MVB12B: variants seen among roughly 807,000 people sequenced by gnomAD.
MVB12B encodes ESCRT-I complex subunit MVB12B.
Under a neutral mutation model 41.6 loss-of-function variants are expected in MVB12B, and 16 were observed. The observed-to-expected ratio is 0.38, with a 90% confidence interval of 0.26 to 0.58. The LOEUF (loss-of-function observed/expected upper bound fraction) is 0.58. MVB12B is among the 20% of genes least tolerant of loss of function. The probability of loss-of-function intolerance (pLI) is 0.62; values close to 1 mark genes in which losing one functional copy is unlikely to be tolerated. For missense variants in MVB12B, 274 were observed against 380.2 expected (o/e 0.72, Z 2.32); for synonymous variants, 133 against 139.7 (o/e 0.95, Z 0.34).
At chr9:126,396,574 T>C in intron 6 of MVB12B, 1 of 985,492 alleles carries the variant, frequency 1.0e-6, no homozygotes, top group Middle Eastern at 5.2e-4. Context: ...CAATACAGCC[T>C]GCCCTCCGGG....
At chr9:126,497,636 G>C in intron 9 of MVB12B, among the ~76,000 whole-genome samples, 1 of 150,476 alleles carries the variant, frequency 6.6e-6, no homozygotes, top group East Asian at 1.9e-4. Context: ...CCTCATCTCC[G>C]GGGCATGAGG....
chr9:126,396,377 A>G, intron 6 of MVB12B: 1 of 985,532 alleles, frequency 1.0e-6, no homozygotes, highest in Non-Finnish European at 1.2e-6. Flanking sequence ...AACAGCACTG[A>G]TGGATTAAGC....
chr9:126,492,118 G>GCACACA (rs35494875), intron 9 of MVB12B, among the ~76,000 whole-genome samples: 4 of 143,316 alleles, frequency 2.8e-5, no homozygotes, highest in Non-Finnish European at 6.1e-5. Context: ...TGCGGCACGT[G>GCACACA]CACACACACA....
intron 6 of MVB12B, among the ~76,000 whole-genome samples, chr9:126,406,790 G>A (rs892552040): frequency 1.3e-5 from 2 of 151,878 alleles, no homozygotes; most frequent in Admixed American, 6.6e-5. Context: ...ACCATGATTT[G>A]GAGTGTTGCT....
Position 126,503,551 on chromosome 9 carries a change from C to T in MVB12B, c.*288C>T. 1 of 473,188 alleles carries T rather than the reference C, an allele frequency of 2.1e-6. No homozygotes were observed. Among genetic ancestry groups the T allele is most frequent in the Non-Finnish European group, 3.8e-6 (1 of 265,022 alleles). The allele number at this position is 473,188 out of a possible 1,614,324, so 29.3% of individuals were successfully genotyped here. A position where few individuals can be genotyped will look rare whatever the true frequency, so the allele number is the denominator to read the frequency against. The stretch of plus-strand genomic sequence containing the variant: ...GTGATGACCAGTTGTCCTCCAAAAA[C>T]CTCACTCACCACGGAGTCACCCTGA... On this transcript the variant is annotated 3_prime_UTR_variant, in exon 10 of 10. Coordinates refer to ENST00000361171, the MANE Select transcript of MVB12B (RefSeq NM_033446.3).
intron 9 of MVB12B, among the ~76,000 whole-genome samples, chr9:126,501,195 C>T (rs1833948066): frequency 6.6e-6 from 1 of 152,200 alleles, no homozygotes; most frequent in Admixed American, 6.5e-5. Flanking sequence ...AGAGAGCTGG[C>T]GCTGCATGGT....
At chr9:126,470,803 T>C (rs1035803902) in intron 7 of MVB12B, among the ~76,000 whole-genome samples, 4 of 152,170 alleles carry the variant, frequency 2.6e-5, no homozygotes, top group Non-Finnish European at 5.9e-5. Flanking sequence ...CAAACGTCTT[T>C]GGATTGGGTC....
At chr9:126,457,044 C>T (rs910773479) in intron 7 of MVB12B, among the ~76,000 whole-genome samples, 1 of 152,178 alleles carries the variant, frequency 6.6e-6, no homozygotes, top group African/African-American at 2.4e-5. Flanking sequence ...CAGTCAGAAG[C>T]CCTTGCACTA....
intron 7 of MVB12B, among the ~76,000 whole-genome samples, chr9:126,452,481 A>C (rs1199049690): frequency 6.6e-6 from 1 of 152,132 alleles, no homozygotes; most frequent in Non-Finnish European, 1.5e-5. Context: ...AGCGCTGTCC[A>C]TTTGGTGATT....
At chr9:126,380,144 C>T (rs1304243300) in intron 2 of MVB12B, among the ~76,000 whole-genome samples, 1 of 152,176 alleles carries the variant, frequency 6.6e-6, no homozygotes, top group East Asian at 1.9e-4. Context: ...AAGGTTGATT[C>T]ATGCTCTCAG....
At chr9:126,437,233 C>G (rs1245137276) in intron 7 of MVB12B, among the ~76,000 whole-genome samples, 1 of 152,126 alleles carries the variant, frequency 6.6e-6, no homozygotes, top group African/African-American at 2.4e-5. Flanking sequence ...TAATAGGAAG[C>G]TGCTATGTAG....
At chr9:126,500,850 C>T (rs901158077) in intron 9 of MVB12B, among the ~76,000 whole-genome samples, 1 of 152,246 alleles carries the variant, frequency 6.6e-6, no homozygotes, top group Admixed American at 6.5e-5. Context: ...CCCCCTGCCC[C>T]GCGAAGCCCT....
chr9:126,422,440 G>A (rs1387855310), intron 7 of MVB12B, among the ~76,000 whole-genome samples: 1 of 152,178 alleles, frequency 6.6e-6, no homozygotes, highest in Non-Finnish European at 1.5e-5. Flanking sequence ...GAAATTGATA[G>A]TGTTACCTTG....
chr9:126,431,167 A>C (rs1588167183), intron 7 of MVB12B, among the ~76,000 whole-genome samples: 1 of 152,378 alleles, frequency 6.6e-6, no homozygotes, highest in East Asian at 1.9e-4. Flanking sequence ...CAGAGTGCTC[A>C]GAGGAAATTT....
chr9:126,329,158 T>G (rs1829060915), intron 1 of MVB12B, among the ~76,000 whole-genome samples: 1 of 152,152 alleles, frequency 6.6e-6, no homozygotes, highest in Non-Finnish European at 1.5e-5. Context: ...ATTTAGGAGC[T>G]TGAGTTTGAC....
rs776749385 is a variant in MVB12B, at chr9:126,340,346, AC to A, written c.82-160del. ...GAAACAGAGGTGATTTGAATTCTTG[AC>A]CTGGGGAAAGGGTCACATAGGGTCA... is the stretch of plus-strand genomic sequence containing the variant. On this transcript the variant is annotated intron_variant, in intron 1 of 9. Transcript: ENST00000361171. The surrounding 1 kb of genome is among the most constrained non-coding windows in gnomAD (Gnocchi z 4.0). 7.9e-5 allele frequency among the ~76,000 whole-genome samples: 12 copies of A among 152,180 alleles called. No individual in the cohort carries two copies. Among genetic ancestry groups the A allele is most frequent in the Non-Finnish European group, 1.8e-4 (12 of 68,034 alleles).
At chr9:126,428,504 A>G (rs905125026) in intron 7 of MVB12B, among the ~76,000 whole-genome samples, 29 of 149,986 alleles carry the variant, frequency 1.9e-4, no homozygotes, top group Non-Finnish European at 5.9e-5. Context: ...CTTAATTAGG[A>G]AAAAAAAAAC....
In MVB12B at chr9:126,503,335, T is replaced by G. The variant is rs2119248664; in HGVS notation, c.*72T>G. The G allele has an allele frequency of 6.3e-6, 8 of 1,267,244 alleles. No homozygotes were observed. Among genetic ancestry groups the G allele is most frequent in the South Asian group, 1.3e-5 (1 of 74,112 alleles). 78.5% of individuals were successfully genotyped at this position (1,267,244 alleles called of 1,614,324 possible). On this transcript the variant is annotated 3_prime_UTR_variant, in exon 10 of 10. Transcript: ENST00000361171. ...GACGGCAGGGGCTGCTGCCCCCGCC[T>G]CCTCCTGCCGCCTCCGCCAGCCCTC...
intron 7 of MVB12B, among the ~76,000 whole-genome samples, chr9:126,434,733 G>A (rs1832424687): frequency 1.3e-5 from 2 of 152,220 alleles, no homozygotes; most frequent in Non-Finnish European, 2.9e-5. Context: ...AGTGCCTTTT[G>A]TAGGCCCAAG....
Sources: allele counts gnomAD v4.1 joint callset (sites outside exome capture counted in the v4.1 genomes callset), GRCh38; gene constraint gnomAD v4.1.1; non-coding constraint Gnocchi (gnomAD v3.1); transcripts MANE v1.5; gene names NCBI Gene and HGNC (gene_info 2026-07-23, HGNC 2026-07-21).